The following PIK3C2A variants were observed in gnomAD, a reference collection of about 807,000 sequenced individuals.
PIK3C2A encodes phosphatidylinositol-4-phosphate 3-kinase catalytic subunit type 2 alpha.
A neutral mutation model predicts 204.5 loss-of-function variants in PIK3C2A; 97 were observed. That is an observed-to-expected ratio of 0.47 (90% CI 0.40 to 0.56). The LOEUF (loss-of-function observed/expected upper bound fraction) is 0.56, where lower values mean the gene tolerates loss of function less well. PIK3C2A is among the 20% of genes least tolerant of loss of function. The pLI, the probability that PIK3C2A is intolerant of heterozygous loss-of-function variation, is 0.00. For missense variants in PIK3C2A, 1,735 were observed against 1,969.2 expected (o/e 0.88, Z 2.25); for synonymous variants, 653 against 664.4 (o/e 0.98, Z 0.26).
intron 1 of PIK3C2A, 111 bp from the exon 2 acceptor site, chr11:17,169,917 TACAAAATAA>T (rs1851104991): frequency 3.5e-6 from 2 of 564,014 alleles, no homozygotes; most frequent in African/African-American, 3.8e-5. Flanking sequence ...AAAAATATAC[TACAAAATAA>T]ACAAAATAAA....
At chr11:17,195,148 C>T (rs1852103843) in intron 1 of PIK3C2A, among the ~76,000 whole-genome samples, 1 of 152,000 alleles carries the variant, frequency 6.6e-6, no homozygotes, top group African/African-American at 2.4e-5. Context: ...GGTGTGGTGG[C>T]TCATACTCAT....
rs1445399004 is a variant in PIK3C2A, at chr11:17,136,471, A to C, written c.1848+11T>G. The C allele has an allele frequency of 1.2e-6, 2 of 1,600,180 alleles. No homozygotes were observed. Among genetic ancestry groups the C allele is most frequent in the Non-Finnish European group, 1.7e-6 (2 of 1,169,824 alleles). On this transcript the variant is annotated intron_variant, in intron 9 of 32. Transcript: ENST00000691414. ...GCATGTAATAAAATCCTAGTTACCA[A>C]AAATACTCACATCAGCAGTTTTACT...
At chr11:17,124,300 T>C (rs1849451956) in intron 13 of PIK3C2A, among the ~76,000 whole-genome samples, 1 of 152,208 alleles carries the variant, frequency 6.6e-6, no homozygotes, top group Admixed American at 6.5e-5. Flanking sequence ...ACAATACCAT[T>C]ATCCCTCCTA....
At chr11:17,098,551 G>A (rs1848519786) in intron 26 of PIK3C2A, among the ~76,000 whole-genome samples, 8 of 152,208 alleles carry the variant, frequency 5.3e-5, no homozygotes, top group Admixed American at 5.2e-4. Context: ...AGTCTAAGCA[G>A]GCAGACGAAT....
At chr11:17,200,711 T>G (rs7116306) in intron 1 of PIK3C2A, among the ~76,000 whole-genome samples, 1 of 152,196 alleles carries the variant, frequency 6.6e-6, no homozygotes. Context: ...ACTGTCACTG[T>G]TTTTTGTAAT....
intron 2 of PIK3C2A, among the ~76,000 whole-genome samples, chr11:17,157,909 T>C (rs1196333056): frequency 1.3e-5 from 2 of 152,194 alleles, no homozygotes; most frequent in Non-Finnish European, 2.9e-5. Context: ...AATCCAATCT[T>C]ATTTCCCAGA....
intron 1 of PIK3C2A, among the ~76,000 whole-genome samples, chr11:17,174,179 G>A (rs1379064818): frequency 6.6e-6 from 1 of 152,094 alleles, no homozygotes; most frequent in Non-Finnish European, 1.5e-5. Flanking sequence ...CTTAAAGAAG[G>A]CATTTCTAAT....
At position 17,145,727 on chromosome 11, in the gene PIK3C2A, G is replaced by A. The variant is rs763488148; in HGVS notation, c.1645C>T (p.Pro549Ser). Residue 549 changes from proline to serine, a missense_variant, in exon 8 of 33, where the codon CCT (proline) becomes TCT (serine). Transcript: ENST00000691414. ...TAAGAATCTAAGAGTTCTTCAACAG[G>A]GTGTCTGAAAGAAACAACAGTTATT... ...KPCKEAMTRHPVEELLDSYHN... is the reference protein window; with the variant it reads ...KPCKEAMTRHSVEELLDSYHN... 1 of 1,604,750 alleles carries A rather than the reference G, an allele frequency of 6.2e-7. No individual in the cohort carries two copies. The highest frequency in any genetic ancestry group is 1.1e-5 in the South Asian group (1 of 90,688).
chr11:17,094,124 G>T, intron 28 of PIK3C2A, 137 bp downstream of exon 28: 4 of 567,904 alleles, frequency 7.0e-6, no homozygotes, highest in South Asian at 2.8e-5. Context: ...TTTGTATTAG[G>T]TCTTTATGAC....
chr11:17,181,446 G>C (rs1273972268), intron 1 of PIK3C2A, among the ~76,000 whole-genome samples: 1 of 151,530 alleles, frequency 6.6e-6, no homozygotes, highest in Non-Finnish European at 1.5e-5. Flanking sequence ...AACAGGTTGA[G>C]CAACTGAAAG....
intron 1 of PIK3C2A, among the ~76,000 whole-genome samples, chr11:17,205,339 C>T (rs1174841817): frequency 3.3e-5 from 5 of 150,216 alleles, no homozygotes; most frequent in South Asian, 4.2e-4. Flanking sequence ...CTGGGCATAG[C>T]GGCACACGCC....
intron 1 of PIK3C2A, among the ~76,000 whole-genome samples, chr11:17,196,995 A>G (rs1162032391): frequency 6.6e-6 from 1 of 151,994 alleles, no homozygotes; most frequent in Non-Finnish European, 1.5e-5. Flanking sequence ...GCTTCGTCAC[A>G]AGTTTAAAAA....
intron 22 of PIK3C2A, among the ~76,000 whole-genome samples, chr11:17,105,728 A>G (rs1848789612): frequency 6.6e-6 from 1 of 152,190 alleles, no homozygotes; most frequent in Admixed American, 6.5e-5. Flanking sequence ...ACATGAACTC[A>G]TTCTTTTTAT....
At chr11:17,112,439 C>G in intron 21 of PIK3C2A, 135 bp downstream of exon 21, 1 of 398,000 alleles carries the variant, frequency 2.5e-6, no homozygotes. Context: ...AGCGTCAGAA[C>G]AAGACCCTGT....
In PIK3C2A at chr11:17,117,620, A is replaced by G. The variant is rs749590065; in HGVS notation, c.3087T>C (p.His1029=). ...CTACTGACAGGAGAGCACCCAAAACATGTTCGTATCGGGTACTAAACTGTA... is the reference window on the plus strand; with the variant it reads ...CTACTGACAGGAGAGCACCCAAAACGTGTTCGTATCGGGTACTAAACTGTA... ...HDVQFSTRYE[H]VLGALLSVGG... is the part of the protein sequence containing the mutation. The change falls in exon 19 of 33, where the codon CAT becomes CAC. Residue 1029 remains histidine (H), a synonymous_variant. Transcript: ENST00000691414. 6 of 1,612,244 alleles carry G rather than the reference A, an allele frequency of 3.7e-6. No individual in the cohort carries two copies. The highest frequency in any genetic ancestry group is 4.5e-5 in the East Asian group (2 of 44,830).
intron 2 of PIK3C2A, among the ~76,000 whole-genome samples, chr11:17,168,086 T>G (rs1851031034): frequency 6.6e-6 from 1 of 151,842 alleles, no homozygotes; most frequent in African/African-American, 2.4e-5. Context: ...GACAGACAAA[T>G]TTAAAATATC....
intron 22 of PIK3C2A, among the ~76,000 whole-genome samples, chr11:17,106,108 C>CAA (rs71047530): frequency 0.022 from 3,010 of 138,550 alleles, 104 homozygotes; most frequent in African/African-American, 0.068. Flanking sequence ...GACTCTATCT[C>CAA]AAAAAAAAAA....
At chr11:17,201,211 TA>T (rs1352361126) in intron 1 of PIK3C2A, among the ~76,000 whole-genome samples, 1 of 142,692 alleles carries the variant, frequency 7.0e-6, no homozygotes, top group Non-Finnish European at 1.5e-5. Flanking sequence ...ATCTAAAAAA[TA>T]AAAATAAAAA....
chr11:17,105,964 C>T (rs1429048154), intron 22 of PIK3C2A, among the ~76,000 whole-genome samples: 4 of 151,562 alleles, frequency 2.6e-5, no homozygotes, highest in Admixed American at 2.0e-4. Context: ...CAAAAATTAG[C>T]GGGGCGTGGT....
Sources: gnomAD v4.1 joint callset for allele counts (sites outside exome capture counted in the v4.1 genomes callset) on GRCh38, gnomAD v4.1.1 for gene constraint, MANE v1.5 for transcripts, NCBI Gene and HGNC (gene_info 2026-07-23, HGNC 2026-07-21) for gene names.